Variants in SATB1 observed in about 807,000 individuals in gnomAD.
The protein encoded by SATB1 is SATB homeobox 1.
A neutral mutation model predicts 86.9 loss-of-function variants in SATB1; 11 were observed. That is an observed-to-expected ratio of 0.13 (90% CI 0.08 to 0.21). SATB1 has a LOEUF of 0.21. Among genes scored for constraint, SATB1 ranks in the 10% least tolerant of loss-of-function variants. SATB1 has a pLI of 1.00. For missense variants in SATB1, 551 were observed against 937.6 expected, an observed-to-expected ratio of 0.59 and a Z score of 5.39; for synonymous variants, 357 against 357.2, an observed-to-expected ratio of 1.00 and a Z score of 0.01.
chr3:18,365,348 A>G (rs73175999), intron 9 of SATB1, among the ~76,000 whole-genome samples: 1,754 of 152,228 alleles, frequency 0.012, 22 homozygotes, highest in African/African-American at 0.04. Flanking sequence ...AGTTTTTCCA[A>G]AGACACAGGG....
In SATB1 at chr3:18,346,861, C is replaced by CTAT. The variant is rs1366125768; in HGVS notation, c.*2306_*2308dup. ...GGCATTTGAGTTTCTATTTTATTTCCTATTTTTTAAATACATGAAACCTAG... is the reference window on the plus strand; with the variant it reads ...GGCATTTGAGTTTCTATTTTATTTCCTATTATTTTTTAAATACATGAAACCTAG... On this transcript the variant is annotated 3_prime_UTR_variant, in exon 11 of 11. Transcript: ENST00000338745. 3.3e-5 allele frequency: 5 copies of CTAT among 152,038 alleles called. No homozygotes were observed. Among genetic ancestry groups the CTAT allele is most frequent in the Non-Finnish European group, 5.9e-5 (4 of 67,974 alleles). The allele number at this position is 152,038 out of a possible 1,614,324, so 9.4% of individuals were successfully genotyped here.
At chr3:18,442,598 T>C (rs150489317), upstream of SATB1, among the ~76,000 whole-genome samples, 3 of 152,236 alleles carry the variant, frequency 2.0e-5, no homozygotes, top group African/African-American at 7.2e-5. Context: ...TATTTAATAA[T>C]GTGCTTAACC....
chr3:18,438,256 A>G (rs1699132102), intron 1 of SATB1, among the ~76,000 whole-genome samples: 1 of 152,224 alleles, frequency 6.6e-6, no homozygotes, highest in African/African-American at 2.4e-5. Flanking sequence ...CAACTCTACT[A>G]CATGCCTAGC....
chr3:18,375,609 TG>T (rs201523924), intron 9 of SATB1, among the ~76,000 whole-genome samples: 3 of 151,854 alleles, frequency 2.0e-5, no homozygotes, highest in Non-Finnish European at 2.9e-5. Flanking sequence ...AGGGTTTTTT[TG>T]TTGTTGTTGT....
At chr3:18,417,579 T>C in intron 2 of SATB1, 1 of 647,578 alleles carries the variant, frequency 1.5e-6, no homozygotes, top group East Asian at 2.8e-5. Context: ...TTCTTCCTTT[T>C]TTAGATATTA....
intron 9 of SATB1, among the ~76,000 whole-genome samples, chr3:18,369,160 AT>A (rs1375650904): frequency 3.5e-5 from 4 of 114,428 alleles, no homozygotes; most frequent in South Asian, 3.6e-4. Flanking sequence ...ACAACTTTGC[AT>A]TAAAAAAAAA....
upstream of SATB1, among the ~76,000 whole-genome samples, chr3:18,439,337 C>T (rs1233133832): frequency 3.3e-5 from 5 of 152,066 alleles, no homozygotes; most frequent in Non-Finnish European, 7.4e-5. Context: ...TAAAAATAGG[C>T]CAATATGTTG....
intron 5 of SATB1, chr3:18,408,637 G>A (rs1052246536): frequency 6.6e-6 from 1 of 151,502 alleles, no homozygotes; most frequent in Admixed American, 6.6e-5. Context: ...CAATGAAAGA[G>A]GGGGAAATTG....
chr3:18,419,220 C>T (rs1698264396), intron 2 of SATB1, among the ~76,000 whole-genome samples: 1 of 152,122 alleles, frequency 6.6e-6, no homozygotes, highest in Non-Finnish European at 1.5e-5. Context: ...GGTTACCCTC[C>T]CGTTTCTGGG....
Position 18,444,111 on chromosome 3 carries a change from A to C in SATB1, c.-25+1407T>G, listed in dbSNP as rs559726140. Among the ~76,000 whole-genome samples, 31 of 152,250 alleles carry C rather than the reference A, an allele frequency of 2.0e-4. No individual in the cohort carries two copies. The highest frequency in any genetic ancestry group is 4.1e-4 in the South Asian group (2 of 4,820). On this transcript the variant is annotated intron_variant, in intron 1 of 3. Transcript: ENST00000415069. This position sits in a 1 kb window ranked among gnomAD's most constrained non-coding sequence, Gnocchi z 5.1. ...GATGGACCGGGAAAGGATGCTGAGCAGACTCGCGATCCGGTGGGGGAACAT... is the reference window on the plus strand; with the variant it reads ...GATGGACCGGGAAAGGATGCTGAGCCGACTCGCGATCCGGTGGGGGAACAT...
chr3:18,405,373 G>T (rs752653454), intron 5 of SATB1, among the ~76,000 whole-genome samples: 1 of 151,782 alleles, frequency 6.6e-6, no homozygotes, highest in Admixed American at 6.6e-5. Context: ...TACCAAATTC[G>T]TGTTAAGTTC....
chr3:18,387,633 C>T (rs1016648873), intron 7 of SATB1, among the ~76,000 whole-genome samples: 3 of 152,182 alleles, frequency 2.0e-5, no homozygotes, highest in South Asian at 2.1e-4. Context: ...CAGCTCTTCT[C>T]TCTTTAATCT....
At chr3:18,434,398 T>A (rs892580991) in intron 2 of SATB1, among the ~76,000 whole-genome samples, 11 of 151,714 alleles carry the variant, frequency 7.3e-5, no homozygotes, top group African/African-American at 2.7e-4. Flanking sequence ...TATATATATA[T>A]AAAATATACA....
chr3:18,420,204 T>C (rs1698312834), intron 2 of SATB1, among the ~76,000 whole-genome samples: 1 of 152,194 alleles, frequency 6.6e-6, no homozygotes, highest in Non-Finnish European at 1.5e-5. Flanking sequence ...AAATCTGTTC[T>C]TTCTTCATCA....
chr3:18,387,420 G>T (rs1214480579), intron 7 of SATB1, among the ~76,000 whole-genome samples: 1 of 152,146 alleles, frequency 6.6e-6, no homozygotes, highest in Non-Finnish European at 1.5e-5. Context: ...AATAAAAATT[G>T]TTAGTGATAG....
chr3:18,437,922 C>T (rs184327537), intron 1 of SATB1, among the ~76,000 whole-genome samples: 2 of 152,214 alleles, frequency 1.3e-5, no homozygotes, highest in African/African-American at 4.8e-5. Flanking sequence ...GAAAGGCTTG[C>T]TATATCAAGA....
At position 18,418,670 on chromosome 3, in the gene SATB1, CAAAT is replaced by C. The variant is rs375070746; in HGVS notation, c.212-1596_212-1593del. Among the ~76,000 whole-genome samples, 481 of 152,286 alleles carry C rather than the reference CAAAT, an allele frequency of 3.2e-3. 2 individuals carry two copies. Among genetic ancestry groups the C allele is most frequent in the African/African-American group, 0.011 (464 of 41,562 alleles). On this transcript the variant is annotated intron_variant, in intron 2 of 10. Coordinates refer to ENST00000338745, the MANE Select transcript of SATB1 (RefSeq NM_002971.6). ...AGGTATTCTGGCAAAATCGCCTAAA[CAAAT>C]AAAACCATTCAATCCCTTTTTCTTA...
chr3:18,430,778 T>A (rs1311836541), intron 2 of SATB1, among the ~76,000 whole-genome samples: 1 of 152,234 alleles, frequency 6.6e-6, no homozygotes, highest in African/African-American at 2.4e-5. Context: ...TTAGCTAGAA[T>A]GATAGCGATC....
At chr3:18,382,778 A>G (rs1454341579) in intron 8 of SATB1, among the ~76,000 whole-genome samples, 1 of 152,252 alleles carries the variant, frequency 6.6e-6, no homozygotes, top group East Asian at 1.9e-4. Context: ...TTCTAACAAG[A>G]AAACCTCCCA....
Sources: allele counts gnomAD v4.1 joint callset (sites outside exome capture counted in the v4.1 genomes callset), GRCh38; gene constraint gnomAD v4.1.1; non-coding constraint Gnocchi (gnomAD v3.1); transcripts MANE v1.5; gene names NCBI Gene and HGNC (gene_info 2026-07-23, HGNC 2026-07-21).